The following DISC1 variants were observed in gnomAD, a reference collection of about 807,000 sequenced individuals.
DISC1 encodes disrupted in schizophrenia 1 protein.
Under a neutral mutation model 84.5 loss-of-function variants are expected in DISC1, and 57 were observed. The ratio of observed to expected loss-of-function variants is 0.67; its 90% CI spans 0.55 to 0.84. DISC1 has a LOEUF of 0.84. DISC1 is among the 40% of genes least tolerant of loss of function. The probability of loss-of-function intolerance (pLI) is 0.00; values close to 1 mark genes in which losing one functional copy is unlikely to be tolerated. For synonymous variants in DISC1, 411 were observed against 415.2 expected (o/e 0.99, Z 0.12); for missense variants, 1,000 against 1,057.8 (o/e 0.95, Z 0.76).
chr1:231,663,800 G>A (rs1285757126), intron 1 of DISC1, among the ~76,000 whole-genome samples: 1 of 151,996 alleles, frequency 6.6e-6, no homozygotes, highest in East Asian at 1.9e-4. Context: ...TATTTCCATG[G>A]GGGCTAATGC....
chr1:231,702,229 A>C, intron 3 of DISC1: 1 of 1,293,726 alleles, frequency 7.7e-7, no homozygotes, highest in Non-Finnish European at 9.8e-7. Flanking sequence ...TTGGGTTATA[A>C]ATATAACCTT....
chr1:231,787,754 G>T (rs2125571808), intron 6 of DISC1, among the ~76,000 whole-genome samples: 1 of 152,302 alleles, frequency 6.6e-6, no homozygotes, highest in Non-Finnish European at 1.5e-5. Flanking sequence ...CAGCATGTTG[G>T]CAGTGAGAAC....
At chr1:231,750,633 T>G in intron 4 of DISC1, 1 of 974,146 alleles carries the variant, frequency 1.0e-6, no homozygotes, top group Non-Finnish European at 1.2e-6. Context: ...ATTTAAAACC[T>G]ACCAATGTCC....
chr1:231,856,596 C>A (rs918583235), intron 9 of DISC1, among the ~76,000 whole-genome samples: 5 of 152,186 alleles, frequency 3.3e-5, no homozygotes, highest in Non-Finnish European at 7.4e-5. Context: ...AAAACCTGCC[C>A]CTGCCATTTC....
rs560316179 is a variant in DISC1, at chr1:231,708,203, A to G, written c.1117+6179A>G. ...TGAGGGTATTTCCGCGGAGATTAGT[A>G]TGAGTCTGCGTGTACTAGGTAGGGA... On this transcript the variant is annotated intron_variant, in intron 3 of 12. Transcript: ENST00000439617. Among the ~76,000 whole-genome samples, 34 of 152,266 alleles carry G rather than the reference A, an allele frequency of 2.2e-4. No homozygotes were observed. The Middle Eastern group carries it at 0.01, about 46-fold the overall frequency.
chr1:232,021,931 C>G (rs1367125806), intron 11 of DISC1, among the ~76,000 whole-genome samples: 4 of 152,098 alleles, frequency 2.6e-5, no homozygotes, highest in Admixed American at 6.5e-5. Flanking sequence ...AGCTGAGGCT[C>G]TCATCCAGAC....
chr1:232,007,092 T>G (rs955019702), intron 10 of DISC1, among the ~76,000 whole-genome samples: 1 of 152,196 alleles, frequency 6.6e-6, no homozygotes, highest in Non-Finnish European at 1.5e-5. Flanking sequence ...AGAGGATGTA[T>G]GGAAACGCCT....
chr1:232,039,402 C>T lies in DISC1; in HGVS notation c.*2571C>T, dbSNP rs151172119. ...TGAAAATTCTGCAAGTTAATAACTG[C>T]CTTGAATTGTTTGAACCCGAAATAA... On this transcript the variant is annotated 3_prime_UTR_variant, in exon 13 of 13. Transcript: ENST00000439617. The T allele has an allele frequency of 1.3e-5, 2 of 152,222 alleles. No homozygotes were observed. The highest frequency in any genetic ancestry group is 4.8e-5 in the African/African-American group (2 of 41,536). 9.4% of individuals were successfully genotyped at this position (152,222 alleles called of 1,614,324 possible). A position where few individuals can be genotyped will look rare whatever the true frequency, so the allele number is the denominator to read the frequency against.
chr1:231,705,332 A>AT (rs1558382551), intron 3 of DISC1, among the ~76,000 whole-genome samples: 7 of 150,294 alleles, frequency 4.7e-5, no homozygotes, highest in South Asian at 2.1e-4. Flanking sequence ...AAAAAAAAAA[A>AT]AATAAAGGCA....
chr1:231,704,313 C>T lies in DISC1; in HGVS notation c.1117+2289C>T, dbSNP rs529577668. ...CTTAGTTCTCAGCTCATCTGCAGTG[C>T]CCAGGATGGGGGGTGGGAGTGGGTG... On this transcript the variant is annotated intron_variant, in intron 3 of 12. Transcript: ENST00000439617. 3.3e-5 allele frequency among the ~76,000 whole-genome samples: 5 copies of T among 152,202 alleles called. No homozygotes were observed. In the South Asian group the frequency reaches 1.0e-3, roughly 32 times the overall value.
At chr1:231,800,270 A>G (rs2759354) in intron 8 of DISC1, 60 bp downstream of exon 8, 1,259,930 of 1,272,180 alleles carry the variant, frequency 0.99, 623,963 homozygotes, top group East Asian at 1. Context: ...AGCTACCAGC[A>G]CATCGTGTTT....
intron 8 of DISC1, among the ~76,000 whole-genome samples, chr1:231,812,245 TG>T (rs1425101085): frequency 3.3e-5 from 5 of 151,838 alleles, no homozygotes; most frequent in Non-Finnish European, 7.4e-5. Context: ...TTTGTAGAGA[TG>T]GGGGTCTTGC....
At chr1:231,631,773 TA>T (rs1558199624) in intron 1 of DISC1, among the ~76,000 whole-genome samples, 1 of 151,826 alleles carries the variant, frequency 6.6e-6, no homozygotes, top group Non-Finnish European at 1.5e-5. Context: ...ATATATAAAG[TA>T]AAAAAAGTTA....
At position 231,767,209 on chromosome 1, in the gene DISC1, C is replaced by T; in HGVS notation, c.1338C>T (p.Asp446=). The T allele has an allele frequency of 1.2e-6, 2 of 1,614,234 alleles. No individual in the cohort carries two copies. Among genetic ancestry groups the T allele is most frequent in the Non-Finnish European group, 1.7e-6 (2 of 1,180,042 alleles). ...GGCTGTTGGAACCCACTGCTCAGGACAGCTTGCACGTGTCCATCACGAGAC... is the reference window on the plus strand; with the variant it reads ...GGCTGTTGGAACCCACTGCTCAGGATAGCTTGCACGTGTCCATCACGAGAC... ...EPRLLEPTAQ[D]SLHVSITRRD... Residue 446 remains aspartate (D), a synonymous_variant, in exon 5 of 13, where the codon GAC becomes GAT. Coordinates refer to ENST00000439617, the MANE Select transcript of DISC1 (RefSeq NM_018662.3).
At chr1:231,872,086 G>A (rs564432795) in intron 9 of DISC1, among the ~76,000 whole-genome samples, 65 of 152,302 alleles carry the variant, frequency 4.3e-4, no homozygotes, top group South Asian at 1.9e-3. Context: ...GCCTTCAGTC[G>A]GTGAACAGCG....
chr1:231,783,320 C>A (rs534560224), intron 6 of DISC1, among the ~76,000 whole-genome samples: 1 of 152,140 alleles, frequency 6.6e-6, no homozygotes, highest in Admixed American at 6.5e-5. Flanking sequence ...AATTTATTTC[C>A]TTATTATTGT....
intron 1 of DISC1, among the ~76,000 whole-genome samples, chr1:231,638,185 TTTG>T (rs1298266301): frequency 2.0e-5 from 3 of 152,314 alleles, no homozygotes; most frequent in South Asian, 2.1e-4. Flanking sequence ...ATGGAATTAT[TTTG>T]TTGTTGTTGT....
intron 3 of DISC1, among the ~76,000 whole-genome samples, chr1:231,726,546 G>A (rs960436194): frequency 6.6e-5 from 10 of 152,282 alleles, no homozygotes; most frequent in South Asian, 2.1e-4. Flanking sequence ...TGAAAGCAGC[G>A]GGGCAACAGG....
At chr1:231,817,718 A>G (rs2125754402) in intron 8 of DISC1, among the ~76,000 whole-genome samples, 1 of 152,302 alleles carries the variant, frequency 6.6e-6, no homozygotes, top group African/African-American at 2.4e-5. Flanking sequence ...TGATGTTTGT[A>G]CATTGACCTT....
Sources: gnomAD v4.1 joint callset for allele counts (sites outside exome capture counted in the v4.1 genomes callset) on GRCh38, gnomAD v4.1.1 for gene constraint, MANE v1.5 for transcripts, NCBI Gene and HGNC (gene_info 2026-07-23, HGNC 2026-07-21) for gene names.